TAFA4: variants seen among roughly 807,000 people sequenced by gnomAD.
TAFA4 encodes chemokine-like protein TAFA-4.
A neutral mutation model predicts 21.1 loss-of-function variants in TAFA4; 20 were observed. The ratio of observed to expected loss-of-function variants is 0.95; its 90% CI spans 0.67 to 1.38. The LOEUF is 1.38. TAFA4 is among the 40% of genes most tolerant of loss of function. The pLI is 0.00. For missense variants in TAFA4, 211 were observed against 180.9 expected, an observed-to-expected ratio of 1.17 and a Z score of -0.95; for synonymous variants, 71 against 67.4, an observed-to-expected ratio of 1.05 and a Z score of -0.26.
At chr3:68,807,125 T>C (rs1287114195) in intron 3 of TAFA4, among the ~76,000 whole-genome samples, 1 of 152,236 alleles carries the variant, frequency 6.6e-6, no homozygotes, top group African/African-American at 2.4e-5. Flanking sequence ...TTGCCTCAGC[T>C]GATCGGTCTA....
intron 1 of TAFA4, among the ~76,000 whole-genome samples, chr3:68,903,269 T>C (rs750985333): frequency 6.6e-6 from 1 of 152,032 alleles, no homozygotes; most frequent in Non-Finnish European, 1.5e-5. Flanking sequence ...CTGGGGTCCT[T>C]GCACAGAATC....
At chr3:68,874,197 G>A (rs530481542) in intron 3 of TAFA4, among the ~76,000 whole-genome samples, 29 of 152,226 alleles carry the variant, frequency 1.9e-4, no homozygotes, top group African/African-American at 6.5e-4. Flanking sequence ...TAAAATATAA[G>A]CATTGATGGT....
At chr3:68,773,273 T>C (rs916660704) in intron 3 of TAFA4, among the ~76,000 whole-genome samples, 4 of 152,184 alleles carry the variant, frequency 2.6e-5, no homozygotes, top group Non-Finnish European at 4.4e-5. Context: ...CAAAGCTCTA[T>C]ATGTATAGTT....
At chr3:68,907,524 G>A (rs1483152504) in intron 1 of TAFA4, among the ~76,000 whole-genome samples, 1 of 152,222 alleles carries the variant, frequency 6.6e-6, no homozygotes, top group Non-Finnish European at 1.5e-5. Context: ...GCCTGGAGAG[G>A]GTGTTGTGAT....
In TAFA4 at chr3:68,810,681, G is replaced by A. The variant is rs544185936; in HGVS notation, c.131-57663C>T. On this transcript the variant is annotated intron_variant, in intron 3 of 5. Coordinates refer to ENST00000295569, the MANE Select transcript of TAFA4 (RefSeq NM_182522.5). ...GGTAAACAAAGCAGCCAGGAAGCTC[G>A]AACTGGGTGGAGCCCACCGCAGCTC... Among the ~76,000 whole-genome samples, 11 of 152,262 alleles carry A rather than the reference G, an allele frequency of 7.2e-5. 1 individual carries two copies. The highest frequency in any genetic ancestry group is 4.1e-4 in the South Asian group (2 of 4,826).
intron 4 of TAFA4, among the ~76,000 whole-genome samples, chr3:68,749,804 A>G (rs1213656602): frequency 6.6e-6 from 1 of 152,208 alleles, no homozygotes; most frequent in Non-Finnish European, 1.5e-5. Flanking sequence ...GCACTTTCCA[A>G]TGTGAAGCTT....
At chr3:68,823,213 A>T (rs886202937) in intron 3 of TAFA4, among the ~76,000 whole-genome samples, 19 of 152,198 alleles carry the variant, frequency 1.2e-4, no homozygotes, top group African/African-American at 4.6e-4. Flanking sequence ...TGGATGAGAT[A>T]AAAAATTACA....
chr3:68,752,770 T>C (rs9835691), intron 4 of TAFA4, 93 bp downstream of exon 4: 587,395 of 1,511,790 alleles, frequency 0.39, 121,639 homozygotes, highest in Non-Finnish European at 0.43. Context: ...CAACCCTAGG[T>C]TTCTTTGGGT....
chr3:68,799,343 G>A (rs55840043), intron 3 of TAFA4, among the ~76,000 whole-genome samples: 1 of 152,216 alleles, frequency 6.6e-6, no homozygotes, highest in Non-Finnish European at 1.5e-5. Flanking sequence ...TCATATGGTG[G>A]AAGAGACTAG....
At chr3:68,740,934 T>G (rs184475133) in intron 4 of TAFA4, among the ~76,000 whole-genome samples, 1 of 152,338 alleles carries the variant, frequency 6.6e-6, no homozygotes, top group East Asian at 1.9e-4. Flanking sequence ...CTTGTCACCC[T>G]GTCAAAGACT....
intron 3 of TAFA4, among the ~76,000 whole-genome samples, chr3:68,800,820 C>T (rs567479739): frequency 6.6e-6 from 1 of 152,298 alleles, no homozygotes; most frequent in East Asian, 1.9e-4. Flanking sequence ...AACCGAAGCA[C>T]TTGAAGAACT....
intron 3 of TAFA4, among the ~76,000 whole-genome samples, chr3:68,835,423 T>C (rs1344589490): frequency 1.3e-5 from 2 of 152,228 alleles, no homozygotes; most frequent in Non-Finnish European, 1.5e-5. Context: ...AAATATTTGC[T>C]GAATGAATGA....
At position 68,794,870 on chromosome 3, in the gene TAFA4, AC is replaced by A. The variant is rs143868365; in HGVS notation, c.131-41853del. Reference sequence around the variant, plus strand: ...AGATAAGTCATAGGAATTGCTCCCAACAAAAAGACAAACAGAAAAAAAAAAT... The same window carrying A: ...AGATAAGTCATAGGAATTGCTCCCAAAAAAAGACAAACAGAAAAAAAAAAT... On this transcript the variant is annotated intron_variant, in intron 3 of 5. Coordinates refer to ENST00000295569, the MANE Select transcript of TAFA4 (RefSeq NM_182522.5). Among the ~76,000 whole-genome samples, 537 of 152,158 alleles carry A rather than the reference AC, an allele frequency of 3.5e-3. 5 individuals carry two copies. The highest frequency in any genetic ancestry group is 0.012 in the African/African-American group (509 of 41,498).
chr3:68,849,630 G>A (rs1704894907), intron 3 of TAFA4, among the ~76,000 whole-genome samples: 1 of 152,186 alleles, frequency 6.6e-6, no homozygotes, highest in Non-Finnish European at 1.5e-5. Context: ...AGTCCCTGTG[G>A]AGAACCACCA....
intron 4 of TAFA4, among the ~76,000 whole-genome samples, chr3:68,752,006 A>G (rs887145543): frequency 2.6e-5 from 4 of 152,182 alleles, no homozygotes; most frequent in Admixed American, 2.6e-4. Flanking sequence ...ATAGTTGTGT[A>G]TGTCTATATG....
chr3:68,747,245 T>C (rs990258517), intron 4 of TAFA4, among the ~76,000 whole-genome samples: 9 of 151,086 alleles, frequency 6.0e-5, no homozygotes, highest in South Asian at 2.1e-4. Context: ...CTTGTGAGTT[T>C]TCTCTCTCTC....
rs558813110 is a variant in TAFA4 at position 68,860,349 on chromosome 3, TA to T, written c.130+20380del. Among the ~76,000 whole-genome samples, 232 of 152,234 alleles carry T rather than the reference TA, an allele frequency of 1.5e-3. 1 individual carries two copies. Among genetic ancestry groups the T allele is most frequent in the African/African-American group, 5.3e-3 (222 of 41,544 alleles). On this transcript the variant is annotated intron_variant, in intron 3 of 5. Coordinates refer to ENST00000295569, the MANE Select transcript of TAFA4 (RefSeq NM_182522.5). ...CTTTAGGTTTTCACCTATAAAACATTAAAAATCTAGCATACAAATGAATGTA... is the reference window on the plus strand; with the variant it reads ...CTTTAGGTTTTCACCTATAAAACATTAAAATCTAGCATACAAATGAATGTA...
At position 68,756,832 on chromosome 3, in the gene TAFA4, G is replaced by A. The variant is rs148304834; in HGVS notation, c.131-3814C>T. On this transcript the variant is annotated intron_variant, in intron 3 of 5. Coordinates refer to ENST00000295569, the MANE Select transcript of TAFA4 (RefSeq NM_182522.5). Reference sequence around the variant, plus strand: ...TTCCCATAGGTAGTTGTATACAATTGTAAAATTAAATAAATAGTAATTATA... The same window carrying A: ...TTCCCATAGGTAGTTGTATACAATTATAAAATTAAATAAATAGTAATTATA... Among the ~76,000 whole-genome samples the A allele has an allele frequency of 3.9e-5, 6 of 152,282 alleles. No individual in the cohort carries two copies. In the East Asian group the frequency reaches 7.7e-4, roughly 20 times the overall value.
intron 3 of TAFA4, among the ~76,000 whole-genome samples, chr3:68,772,952 T>C (rs1702986088): frequency 6.6e-6 from 1 of 152,176 alleles, no homozygotes; most frequent in Non-Finnish European, 1.5e-5. Flanking sequence ...AAACAATAAT[T>C]CCTTCTCCAA....
Sources: gnomAD v4.1 joint callset for allele counts (sites outside exome capture counted in the v4.1 genomes callset) on GRCh38, gnomAD v4.1.1 for gene constraint, MANE v1.5 for transcripts, NCBI Gene and HGNC (gene_info 2026-07-23, HGNC 2026-07-21) for gene names.